Variants in TRIML2 observed in about 807,000 individuals in gnomAD.
TRIML2 encodes tripartite motif family like 2, also known as probable E3 ubiquitin-protein ligase TRIML2.
Under a neutral mutation model 31.2 loss-of-function variants are expected in TRIML2, and 28 were observed. The ratio of observed to expected loss-of-function variants is 0.90; its 90% CI spans 0.66 to 1.23. TRIML2 has a LOEUF of 1.23. TRIML2 is among the 50% of genes most tolerant of loss of function. The pLI is 0.00. For missense variants in TRIML2, 536 were observed against 528.3 expected, an observed-to-expected ratio of 1.01 and a Z score of -0.14; for synonymous variants, 187 against 197.5, an observed-to-expected ratio of 0.95 and a Z score of 0.45.
chr4:188,108,820 A>G (rs778752835), intron 1 of TRIML2, among the ~76,000 whole-genome samples: 2 of 151,900 alleles, frequency 1.3e-5, no homozygotes, highest in Non-Finnish European at 2.9e-5. Flanking sequence ...CCTTCCCACT[A>G]CTCATCTCCT....
chr4:188,105,157 G>A (rs1733972537), intron 2 of TRIML2, 23 bp downstream of exon 2: 2 of 1,589,772 alleles, frequency 1.3e-6, no homozygotes. Flanking sequence ...GAGTGTTTTG[G>A]GATTTGCGTG....
intron 3 of TRIML2, among the ~76,000 whole-genome samples, chr4:188,101,608 C>T (rs191972988): frequency 7.4e-4 from 113 of 151,732 alleles, no homozygotes; most frequent in African/African-American, 2.7e-3. Flanking sequence ...GCAGGAGAAT[C>T]GCTTGAACCT....
At chr4:188,099,626 A>G (rs1192955373) in intron 4 of TRIML2, among the ~76,000 whole-genome samples, 2 of 151,326 alleles carry the variant, frequency 1.3e-5, no homozygotes, top group African/African-American at 4.9e-5. Context: ...CTGCTACCCC[A>G]GGAACAGACA....
intron 3 of TRIML2, among the ~76,000 whole-genome samples, chr4:188,101,616 C>T (rs1270586966): frequency 2.6e-5 from 4 of 151,890 alleles, no homozygotes; most frequent in South Asian, 4.2e-4. Context: ...ATCGCTTGAA[C>T]CTGGGAGGTG....
At chr4:188,092,318 C>T (rs1489844011) in intron 7 of TRIML2, among the ~76,000 whole-genome samples, 2 of 151,890 alleles carry the variant, frequency 1.3e-5, no homozygotes, top group Admixed American at 6.6e-5. Context: ...AAAAAGTAGC[C>T]GAGTGTGGTG....
chr4:188,095,360 T>G (rs1733458869), intron 7 of TRIML2, among the ~76,000 whole-genome samples: 1 of 152,188 alleles, frequency 6.6e-6, no homozygotes, highest in South Asian at 2.1e-4. Flanking sequence ...TGGGAGGAAA[T>G]ATTTGCAAAA....
intron 1 of TRIML2, among the ~76,000 whole-genome samples, chr4:188,107,373 CAT>C (rs1332119207): frequency 6.6e-6 from 1 of 152,138 alleles, no homozygotes; most frequent in Non-Finnish European, 1.5e-5. Context: ...ATACAGTAAA[CAT>C]AGATATTAAC....
chr4:188,100,836 A>G (rs114865604), intron 4 of TRIML2, among the ~76,000 whole-genome samples: 189 of 152,284 alleles, frequency 1.2e-3, no homozygotes, highest in African/African-American at 4.4e-3. Context: ...ATAATACAGT[A>G]ATATGTGTAC....
At chr4:188,107,397 A>T (rs1734084683) in intron 1 of TRIML2, among the ~76,000 whole-genome samples, 1 of 152,214 alleles carries the variant, frequency 6.6e-6, no homozygotes, top group Non-Finnish European at 1.5e-5. Context: ...CTCATAAACA[A>T]AAGCTTATTG....
intron 7 of TRIML2, among the ~76,000 whole-genome samples, chr4:188,094,884 CAG>C (rs748010339): frequency 5.3e-5 from 8 of 152,290 alleles, no homozygotes; most frequent in South Asian, 2.1e-4. Context: ...AGACTTCCTA[CAG>C]AGTTATCAAT....
chr4:188,091,712 T>TGCA lies in TRIML2; in HGVS notation c.972_974dup (p.Ala325dup). 6.2e-7 allele frequency: 1 copy of TGCA among 1,613,896 alleles called. No homozygotes were observed. ...CTCTGGCCGTGCTGCCCTTCGCGTC[T>TGCA]GCAGAGCCGTGGTATATGCCCACTT... On this transcript the variant is annotated inframe_insertion, in exon 8 of 8. Transcript: ENST00000682553.
chr4:188,097,253 A>G lies in TRIML2; in HGVS notation c.644+71T>C. ...CCATTACATCCTACCAGCAAATGCA[A>G]TCTCCCTATCTCAATCAACATCTTA... On this transcript the variant is annotated intron_variant, in intron 6 of 7. Coordinates refer to ENST00000682553, the MANE Select transcript of TRIML2 (RefSeq NM_173553.4). 3.8e-6 allele frequency: 6 copies of G among 1,598,504 alleles called. 1 individual carries two copies. The South Asian group carries it at 6.6e-5, about 18-fold the overall frequency.
At chr4:188,096,433 G>A (rs1391238980) in intron 7 of TRIML2, among the ~76,000 whole-genome samples, 1 of 146,710 alleles carries the variant, frequency 6.8e-6, no homozygotes, top group East Asian at 2.1e-4. Context: ...TTGGGAGGCC[G>A]AGGCAGGAGA....
chr4:188,093,708 A>T (rs1733368737), intron 7 of TRIML2, among the ~76,000 whole-genome samples: 3 of 152,156 alleles, frequency 2.0e-5, no homozygotes, highest in Admixed American at 2.0e-4. Flanking sequence ...GTATCTCAAG[A>T]GAAAAAGAAC....
chr4:188,100,189 T>C (rs1302448913), intron 4 of TRIML2, among the ~76,000 whole-genome samples: 3 of 152,308 alleles, frequency 2.0e-5, no homozygotes, highest in South Asian at 4.1e-4. Flanking sequence ...CCTCTTGCTA[T>C]GAATGTTATA....
At chr4:188,100,907 A>G (rs936214364) in intron 4 of TRIML2, 149 bp downstream of exon 4, 1 of 637,160 alleles carries the variant, frequency 1.6e-6, no homozygotes, top group South Asian at 2.4e-5. Context: ...GTCAAGATAA[A>G]TTCATAGAAA....
chr4:188,092,627 C>T (rs10027599), intron 7 of TRIML2, among the ~76,000 whole-genome samples: 1 of 152,022 alleles, frequency 6.6e-6, no homozygotes, highest in Admixed American at 6.5e-5. Context: ...GCAACTCATT[C>T]GTGGCCCTCC....
intron 5 of TRIML2, chr4:188,098,805 T>C: frequency 4.0e-6 from 2 of 499,578 alleles, no homozygotes; most frequent in Non-Finnish European, 7.0e-6. Flanking sequence ...CCTAACTTAC[T>C]GCTGATAATT....
At chr4:188,100,621 C>T (rs1026302353) in intron 4 of TRIML2, among the ~76,000 whole-genome samples, 1 of 152,060 alleles carries the variant, frequency 6.6e-6, no homozygotes, top group Non-Finnish European at 1.5e-5. Context: ...ACTTGGGAGG[C>T]TGAGGCAGGA....
Sources: gnomAD v4.1 joint callset for allele counts (sites outside exome capture counted in the v4.1 genomes callset) on GRCh38, gnomAD v4.1.1 for gene constraint, MANE v1.5 for transcripts, NCBI Gene and HGNC (gene_info 2026-07-23, HGNC 2026-07-21) for gene names.